The following ETV1 variants were observed in gnomAD, a reference collection of about 807,000 sequenced individuals.
ETV1 encodes the protein ETS translocation variant 1.
ETV1 carries 27 observed loss-of-function variants against 62.3 expected under a neutral mutation model. The observed-to-expected ratio is 0.43, with a 90% CI of 0.32 to 0.60. The LOEUF (loss-of-function observed/expected upper bound fraction) is 0.60. ETV1 is among the 20% of genes least tolerant of loss of function. The pLI is 0.06. For missense variants in ETV1, 605 were observed against 605.8 expected, an observed-to-expected ratio of 1.00 and a Z score of 0.01; for synonymous variants, 222 against 199.6, an observed-to-expected ratio of 1.11 and a Z score of -0.94.
At chr7:13,939,272 C>G (rs1349083249) in intron 6 of ETV1, 26 bp from the exon 7 acceptor site, 2 of 1,590,958 alleles carry the variant, frequency 1.3e-6, no homozygotes, top group East Asian at 2.2e-5. Context: ...AAAATATCCA[C>G]AAAAATTAAA....
Position 13,935,864 on chromosome 7 carries a change from C to G in ETV1, c.398G>C (p.Arg133Thr), listed in dbSNP as rs1292201648. The change falls in exon 8 of 14, where the codon AGG becomes ACG. Residue 133 changes from arginine to threonine, a missense_variant. This residue lies in a region of ETV1 where 426 missense variants were observed against 377.8 expected (regional missense o/e 1.13). Transcript: ENST00000430479. Reference protein sequence around the residue: ...AYDQKPQVGMRPSNPPTPSST... With the variant: ...AYDQKPQVGMTPSNPPTPSST... ...GGATGGTGTGGGGGGGTTGGAGGGC[C>G]TCATTCCCACTTGTGGCTTCTGATC... 6.2e-6 allele frequency: 10 copies of G among 1,613,374 alleles called. No individual in the cohort carries two copies. Among genetic ancestry groups the G allele is most frequent in the Middle Eastern group, 1.6e-4 (1 of 6,076 alleles).
At position 13,892,563 on chromosome 7, in the gene ETV1, C is replaced by T; in HGVS notation, c.*3303G>A. 1 of 232,780 alleles carries T rather than the reference C, an allele frequency of 4.3e-6. No homozygotes were observed. Among genetic ancestry groups the T allele is most frequent in the Non-Finnish European group, 8.5e-6 (1 of 117,800 alleles). The allele number at this position is 232,780 out of a possible 1,614,324, so 14.4% of individuals were successfully genotyped here. A position where few individuals can be genotyped will look rare whatever the true frequency, so the allele number is the denominator to read the frequency against. On this transcript the variant is annotated 3_prime_UTR_variant, in exon 14 of 14. Transcript: ENST00000430479. ...CTGAATAACAGCCCTGCCCTCACCC[C>T]TTACATCCATGTCCTAATCCCTGGG...
chr7:13,906,319 C>T, intron 12 of ETV1, 111 bp downstream of exon 12: 10 of 703,294 alleles, frequency 1.4e-5, no homozygotes, highest in South Asian at 7.6e-5. Context: ...AGAAAGTTTC[C>T]CTAAAGTCTT....
intron 9 of ETV1, among the ~76,000 whole-genome samples, chr7:13,927,611 G>A (rs1461255505): frequency 6.6e-6 from 1 of 152,160 alleles, no homozygotes; most frequent in Admixed American, 6.5e-5. Flanking sequence ...AGGTTATTAA[G>A]TGTACTTTCA....
At chr7:13,930,114 T>C (rs1279358365) in intron 9 of ETV1, among the ~76,000 whole-genome samples, 1 of 152,172 alleles carries the variant, frequency 6.6e-6, no homozygotes, top group African/African-American at 2.4e-5. Flanking sequence ...TGACCACAGA[T>C]ACAATAATGT....
chr7:13,947,781 T>C (rs1330130758), intron 6 of ETV1, among the ~76,000 whole-genome samples: 1 of 152,204 alleles, frequency 6.6e-6, no homozygotes, highest in Non-Finnish European at 1.5e-5. Context: ...TCATCTACCA[T>C]GCCCCAGACA....
In ETV1 at chr7:13,896,098, C is replaced by A. The variant is rs1283540416; in HGVS notation, c.1213-11G>T. The A allele has an allele frequency of 1.2e-6, 2 of 1,606,980 alleles. No homozygotes were observed. Among genetic ancestry groups the A allele is most frequent in the Admixed American group, 1.7e-5 (1 of 59,320 alleles). On this transcript the variant is annotated splice_polypyrimidine_tract_variant and intron_variant, in intron 13 of 13. Coordinates refer to ENST00000430479, the MANE Select transcript of ETV1 (RefSeq NM_004956.5). ...TCTCTCTCCAGCCACCTGATGATAA[C>A]ATGGAAGAGAAAAACCCATCCTCAC...
At chr7:13,970,196 G>A (rs1780734765) in intron 6 of ETV1, among the ~76,000 whole-genome samples, 1 of 151,800 alleles carries the variant, frequency 6.6e-6, no homozygotes, top group South Asian at 2.1e-4. Flanking sequence ...GGGAGGCGGA[G>A]CTTGCAGTGA....
In ETV1 at chr7:13,939,656, G is replaced by A. The variant is rs1196167169; in HGVS notation, c.236-410C>T. ...AATATAATTTTAAGCATTATTGAAA[G>A]GAAAATATATCAACTGCATCAATAA... On this transcript the variant is annotated intron_variant, in intron 6 of 13. Transcript: ENST00000430479. Among the ~76,000 whole-genome samples, 5 of 152,102 alleles carry A rather than the reference G, an allele frequency of 3.3e-5. No individual in the cohort carries two copies. In the East Asian group the frequency reaches 7.7e-4, roughly 23 times the overall value.
At chr7:13,921,430 G>A (rs938124018) in intron 9 of ETV1, among the ~76,000 whole-genome samples, 1 of 152,130 alleles carries the variant, frequency 6.6e-6, no homozygotes, top group African/African-American at 2.4e-5. Context: ...AATATGGAAT[G>A]GGTTTTATCA....
chr7:13,966,983 C>A (rs1451733400), intron 6 of ETV1, among the ~76,000 whole-genome samples: 1 of 152,188 alleles, frequency 6.6e-6, no homozygotes, highest in East Asian at 1.9e-4. Flanking sequence ...CTACGTAACA[C>A]CTGTACAGAC....
chr7:13,976,248 A>G (rs920306580), intron 6 of ETV1, among the ~76,000 whole-genome samples: 1 of 152,214 alleles, frequency 6.6e-6, no homozygotes, highest in African/African-American at 2.4e-5. Context: ...CAGGTACAGA[A>G]CTTCAGCTTG....
intron 6 of ETV1, among the ~76,000 whole-genome samples, chr7:13,966,157 A>T (rs1304524184): frequency 6.6e-6 from 1 of 152,204 alleles, no homozygotes; most frequent in Non-Finnish European, 1.5e-5. Flanking sequence ...AATACTCTGT[A>T]AATAGTAATA....
At chr7:13,915,068 T>C (rs905230460) in intron 9 of ETV1, among the ~76,000 whole-genome samples, 2 of 152,214 alleles carry the variant, frequency 1.3e-5, no homozygotes, top group Admixed American at 6.5e-5. Context: ...ATTAAGCATT[T>C]GAATCTCTTA....
At chr7:13,984,851 G>A (rs776886100) in intron 5 of ETV1, among the ~76,000 whole-genome samples, 3 of 151,448 alleles carry the variant, frequency 2.0e-5, no homozygotes, top group Non-Finnish European at 4.4e-5. Context: ...TCTCTGCAGA[G>A]TTTTAAAAGA....
At position 13,920,746 on chromosome 7, in the gene ETV1, TA is replaced by T. The variant is rs568104892; in HGVS notation, c.803-9440del. ...ATGCCACTTACTGTAACTGTAGATT[TA>T]GAGCATATTTAAGTATTTCTTAGAA... On this transcript the variant is annotated intron_variant, in intron 9 of 13. Transcript: ENST00000430479. Among the ~76,000 whole-genome samples the T allele has an allele frequency of 7.9e-3, 1,204 of 152,312 alleles. 12 individuals carry two copies. The highest frequency in any genetic ancestry group is 9.7e-3 in the South Asian group (47 of 4,830).
chr7:13,930,523 G>A (rs966897750), intron 9 of ETV1, among the ~76,000 whole-genome samples: 31 of 151,760 alleles, frequency 2.0e-4, no homozygotes, highest in African/African-American at 6.8e-4. Flanking sequence ...GGGTTTCACC[G>A]TGTTAGCCAG....
At chr7:13,940,425 T>C (rs1055946876) in intron 6 of ETV1, among the ~76,000 whole-genome samples, 11 of 151,602 alleles carry the variant, frequency 7.3e-5, no homozygotes, top group Non-Finnish European at 1.6e-4. Flanking sequence ...TTCTTCGATA[T>C]GAAACTGAAG....
upstream of ETV1, among the ~76,000 whole-genome samples, chr7:13,990,157 C>A (rs890119294): frequency 2.6e-5 from 4 of 152,156 alleles, no homozygotes; most frequent in African/African-American, 9.7e-5. Context: ...GCTCTCTATC[C>A]TCATTCCCAC....
Sources: gnomAD v4.1 joint callset for allele counts (sites outside exome capture counted in the v4.1 genomes callset) on GRCh38, gnomAD v4.1.1 for gene constraint, gnomAD v4.1.1 regional missense constraint, MANE v1.5 for transcripts, NCBI Gene and HGNC (gene_info 2026-07-23, HGNC 2026-07-21) for gene names.